Variants in AAK1 observed in about 807,000 individuals in gnomAD.
The protein encoded by AAK1 is AP2-associated protein kinase 1.
In AAK1, 37 loss-of-function variants were observed where a neutral mutation model predicts 116.0. The observed-to-expected ratio is 0.32, with a 90% confidence interval of 0.25 to 0.42. AAK1 has a LOEUF of 0.42. Among genes scored for constraint, AAK1 ranks in the 10% least tolerant of loss-of-function variants. The pLI is 1.00. For missense variants in AAK1, 919 were observed against 1,170.6 expected (o/e 0.79, Z 3.14); for synonymous variants, 458 against 439.9 (o/e 1.04, Z -0.51).
chr2:69,616,297 C>T (rs973117382), intron 2 of AAK1, among the ~76,000 whole-genome samples: 2 of 152,022 alleles, frequency 1.3e-5, no homozygotes, highest in African/African-American at 4.8e-5. Context: ...TGCCCAGCTG[C>T]ACAACATTGT....
chr2:69,520,676 C>T (rs1669735704), intron 11 of AAK1, among the ~76,000 whole-genome samples, 158 bp downstream of exon 11: 1 of 152,184 alleles, frequency 6.6e-6, no homozygotes, highest in Non-Finnish European at 1.5e-5. Context: ...CACTGCCATA[C>T]AATTTCAAGG....
chr2:69,475,804 C>A lies in AAK1; in HGVS notation c.*65G>T. 1 of 1,520,860 alleles carries A rather than the reference C, an allele frequency of 6.6e-7. No individual in the cohort carries two copies. Among genetic ancestry groups the A allele is most frequent in the Non-Finnish European group, 8.9e-7 (1 of 1,125,222 alleles). 94.2% of individuals were successfully genotyped at this position (1,520,860 alleles called of 1,614,324 possible). A position where few individuals can be genotyped will look rare whatever the true frequency, so the allele number is the denominator to read the frequency against. On this transcript the variant is annotated 3_prime_UTR_variant, in exon 22 of 22. Coordinates refer to ENST00000409085, the MANE Select transcript of AAK1 (RefSeq NM_014911.5). ...TTTAAAAAAATCATTTTTTTCATAACTCCGTAATGAAAATGTATTTTACGG... is the reference window on the plus strand; with the variant it reads ...TTTAAAAAAATCATTTTTTTCATAAATCCGTAATGAAAATGTATTTTACGG...
intron 3 of AAK1, among the ~76,000 whole-genome samples, chr2:69,546,582 T>C (rs1670933378): frequency 6.6e-6 from 1 of 152,202 alleles, no homozygotes; most frequent in East Asian, 1.9e-4. Context: ...GAATCAGCAA[T>C]GTTGCCTCTG....
intron 2 of AAK1, among the ~76,000 whole-genome samples, chr2:69,560,836 G>A (rs1210387684): frequency 6.6e-6 from 1 of 152,190 alleles, no homozygotes; most frequent in Non-Finnish European, 1.5e-5. Flanking sequence ...TTAACACACA[G>A]TGAGCATTCA....
intron 2 of AAK1, among the ~76,000 whole-genome samples, chr2:69,560,838 G>T (rs187605665): frequency 6.6e-6 from 1 of 152,162 alleles, no homozygotes; most frequent in Non-Finnish European, 1.5e-5. Context: ...AACACACAGT[G>T]AGCATTCAAT....
At chr2:69,557,644 T>C (rs1387646884) in intron 2 of AAK1, among the ~76,000 whole-genome samples, 1 of 152,162 alleles carries the variant, frequency 6.6e-6, no homozygotes, top group East Asian at 1.9e-4. Context: ...TTCTGTGAGA[T>C]TGGGTGTTAT....
In AAK1 at chr2:69,509,124, A is replaced by G. The variant is rs577749828; in HGVS notation, c.2006+107T>C. The G allele has an allele frequency of 4.3e-5, 38 of 885,586 alleles. No individual in the cohort carries two copies. In the East Asian group the frequency reaches 9.5e-4, roughly 22 times the overall value. 54.9% of individuals were successfully genotyped at this position (885,586 alleles called of 1,614,324 possible). On this transcript the variant is annotated intron_variant, in intron 14 of 21. Transcript: ENST00000409085. ...AACAAACACAAGTACACACCACTGTATTTGCATTACACACATCTACACACT... is the reference window on the plus strand; with the variant it reads ...AACAAACACAAGTACACACCACTGTGTTTGCATTACACACATCTACACACT...
intron 2 of AAK1, chr2:69,594,757 T>C (rs577611091): frequency 3.5e-6 from 3 of 855,634 alleles, no homozygotes; most frequent in African/African-American, 1.7e-5. Flanking sequence ...CTGGATCACT[T>C]AGCCCTTTCT....
At chr2:69,489,027 GAA>G (rs918494234) in intron 17 of AAK1, among the ~76,000 whole-genome samples, 1 of 124,660 alleles carries the variant, frequency 8.0e-6, no homozygotes, top group African/African-American at 2.8e-5. Flanking sequence ...TTTTTTTTTT[GAA>G]AAAATGGCGT....
intron 8 of AAK1, among the ~76,000 whole-genome samples, chr2:69,528,467 A>G (rs926885226): frequency 3.3e-5 from 5 of 152,224 alleles, no homozygotes; most frequent in Non-Finnish European, 7.3e-5. Context: ...GGTGACAGTG[A>G]TGTTCATATA....
intron 3 of AAK1, among the ~76,000 whole-genome samples, chr2:69,550,433 T>C (rs1201700284): frequency 6.6e-6 from 1 of 152,044 alleles, no homozygotes; most frequent in Non-Finnish European, 1.5e-5. Context: ...GCCTCCCAAG[T>C]AGCTGGGATT....
At chr2:69,496,711 C>A (rs539026076) in intron 16 of AAK1, among the ~76,000 whole-genome samples, 1 of 152,284 alleles carries the variant, frequency 6.6e-6, no homozygotes, top group Admixed American at 6.5e-5. Context: ...CCATATCACA[C>A]ATTTTAGCAC....
At chr2:69,476,799 T>C in intron 21 of AAK1, 81 bp downstream of exon 21, 2 of 918,356 alleles carry the variant, frequency 2.2e-6, no homozygotes, top group Non-Finnish European at 3.4e-6. Context: ...ATGCTTTTCT[T>C]CCCCCTTGCA....
Position 69,620,422 on chromosome 2 carries a change from T to A in AAK1, c.163+22456A>T, listed in dbSNP as rs374174266. On this transcript the variant is annotated intron_variant, in intron 2 of 21. Transcript: ENST00000409085. The stretch of plus-strand genomic sequence containing the variant: ...ATCAGCCTACTGATATGCTCAAGCA[T>A]CTCCCAAGCTATGATCTCTCCCTTT... Among the ~76,000 whole-genome samples the A allele has an allele frequency of 2.0e-4, 30 of 152,282 alleles. No homozygotes were observed. The East Asian group carries it at 5.2e-3, about 26-fold the overall frequency.
intron 10 of AAK1, among the ~76,000 whole-genome samples, chr2:69,523,980 TC>T (rs1669903691): frequency 6.6e-6 from 1 of 152,252 alleles, no homozygotes. Context: ...CCTGGCTCCC[TC>T]CCTGTTTTCC....
At chr2:69,536,994 T>G (rs1377546501) in intron 5 of AAK1, among the ~76,000 whole-genome samples, 1 of 152,228 alleles carries the variant, frequency 6.6e-6, no homozygotes, top group African/African-American at 2.4e-5. Flanking sequence ...TCTTCTCCTT[T>G]CTTAAGTGCT....
chr2:69,580,241 C>T (rs921274452), intron 2 of AAK1, among the ~76,000 whole-genome samples: 4 of 152,204 alleles, frequency 2.6e-5, no homozygotes, highest in African/African-American at 9.7e-5. Context: ...GTCTGTGCAA[C>T]TCAATGATCC....
At chr2:69,622,924 CAGACCAATCGGCTCTCTGTAAAAT>C (rs1244037378) in intron 2 of AAK1, among the ~76,000 whole-genome samples, 3 of 152,156 alleles carry the variant, frequency 2.0e-5, no homozygotes, top group Non-Finnish European at 4.4e-5. Context: ...CTCTGTAAAA[CAGACCAATCGGCTCTCTGTAAAAT>C]GGACCAATCA....
chr2:69,530,156 A>G lies in AAK1; in HGVS notation c.739-16T>C, dbSNP rs748125228. 1 of 1,599,890 alleles carries G rather than the reference A, an allele frequency of 6.3e-7. No homozygotes were observed. The highest frequency in any genetic ancestry group is 8.5e-7 in the Non-Finnish European group (1 of 1,174,552). On this transcript the variant is annotated splice_polypyrimidine_tract_variant and intron_variant, in intron 7 of 21. Coordinates refer to ENST00000409085, the MANE Select transcript of AAK1 (RefSeq NM_014911.5). ...ATCCAAGAGCCTAAAAAATAAAGAT[A>G]GCAGATTGCTACTAGTGGCTTATTT...
Sources: allele counts gnomAD v4.1 joint callset (sites outside exome capture counted in the v4.1 genomes callset), GRCh38; gene constraint gnomAD v4.1.1; transcripts MANE v1.5; gene names NCBI Gene and HGNC (gene_info 2026-07-23, HGNC 2026-07-21).